HYDIN: variants seen among roughly 807,000 people sequenced by gnomAD.
HYDIN encodes HYDIN axonemal central pair apparatus protein.
Under a neutral mutation model 403.9 loss-of-function variants are expected in HYDIN, and 132 were observed. The ratio of observed to expected loss-of-function variants is 0.33; its 90% CI spans 0.28 to 0.38. The LOEUF (loss-of-function observed/expected upper bound fraction) is 0.38. Among genes scored for constraint, HYDIN ranks in the 10% least tolerant of loss-of-function variants. HYDIN has a pLI of 1.00. For missense variants in HYDIN, 2,827 were observed against 5,009.5 expected (o/e 0.56, Z 13.15); for synonymous variants, 1,202 against 1,891.7 (o/e 0.64, Z 9.46).
intron 1 of HYDIN, among the ~76,000 whole-genome samples, chr16:71,229,214 G>C (rs1056425361): frequency 6.6e-6 from 1 of 151,890 alleles, no homozygotes. Context: ...TAAATGACTA[G>C]TTAATGGGTG....
At chr16:70,881,150 C>T (rs1404953294) in intron 60 of HYDIN, among the ~76,000 whole-genome samples, 1 of 133,508 alleles carries the variant, frequency 7.5e-6, no homozygotes, top group Non-Finnish European at 1.5e-5. Flanking sequence ...CACTTGAGCC[C>T]AGGAAGTCAA....
intron 45 of HYDIN, among the ~76,000 whole-genome samples, chr16:70,930,309 C>T (rs1477798957): frequency 3.9e-5 from 6 of 152,184 alleles, no homozygotes; most frequent in Non-Finnish European, 7.3e-5. Flanking sequence ...GGCGAAACCC[C>T]GTCTCTACTA....
chr16:70,956,718 A>G (rs2078250465), intron 39 of HYDIN, among the ~76,000 whole-genome samples: 1 of 152,172 alleles, frequency 6.6e-6, no homozygotes, highest in Non-Finnish European at 1.5e-5. Flanking sequence ...AGACAAGGAA[A>G]CGGATTGTCC....
intron 13 of HYDIN, chr16:71,076,001 C>T (rs2036978): frequency 2.4e-6 from 1 of 413,490 alleles, no homozygotes; most frequent in Admixed American, 2.6e-5. Context: ...GGAGAAGGAC[C>T]CAGGCATTAC....
intron 9 of HYDIN, among the ~76,000 whole-genome samples, chr16:71,122,941 T>C (rs1042532885): frequency 3.6e-5 from 3 of 83,664 alleles, no homozygotes; most frequent in Non-Finnish European, 6.9e-5. Context: ...GTAAATACCT[T>C]TAAATTCTCA....
intron 10 of HYDIN, 81 bp downstream of exon 10, chr16:71,115,615 A>G (rs540519031): frequency 3.2e-6 from 2 of 632,076 alleles, no homozygotes; most frequent in East Asian, 2.8e-5. Flanking sequence ...GCACATGTGC[A>G]CACACACACA....
intron 5 of HYDIN, among the ~76,000 whole-genome samples, chr16:71,167,151 G>C (rs965551469): frequency 1.3e-5 from 2 of 151,934 alleles, no homozygotes; most frequent in African/African-American, 4.8e-5. Flanking sequence ...CTCTGCAAAT[G>C]ATTCTGGTTT....
chr16:70,904,138 G>A lies in HYDIN; in HGVS notation c.8517-74C>T. The A allele has an allele frequency of 4.6e-6, 4 of 865,094 alleles. No individual in the cohort carries two copies. In the South Asian group the frequency reaches 5.2e-5, roughly 11 times the overall value. The allele number at this position is 865,094 out of a possible 1,614,324, so 53.6% of individuals were successfully genotyped here. ...TGCAGGTGGAAAAGAAGGCTGTGAT[G>A]AGAAAGGCAATTCAGAGGGACAGTG... On this transcript the variant is annotated intron_variant, in intron 50 of 85. Coordinates refer to ENST00000393567, the MANE Select transcript of HYDIN (RefSeq NM_001270974.2).
intron 18 of HYDIN, among the ~76,000 whole-genome samples, chr16:71,043,376 T>C (rs112050676): frequency 0.027 from 4,093 of 150,158 alleles, 175 homozygotes; most frequent in African/African-American, 0.094. Context: ...GGGTAACTTT[T>C]TCATCTGCAT....
At chr16:70,993,829 C>CAT (rs1567963892) in intron 23 of HYDIN, among the ~76,000 whole-genome samples, 2 of 151,152 alleles carry the variant, frequency 1.3e-5, no homozygotes, top group African/African-American at 4.9e-5. Context: ...GCATTCTCAT[C>CAT]CACACTTGGT....
intron 1 of HYDIN, among the ~76,000 whole-genome samples, chr16:71,213,666 A>G (rs2088714201): frequency 6.6e-6 from 1 of 152,166 alleles, no homozygotes; most frequent in Non-Finnish European, 1.5e-5. Context: ...GTAGTTCAAC[A>G]TTCAACAAAA....
intron 45 of HYDIN, among the ~76,000 whole-genome samples, chr16:70,923,748 G>C (rs1321378093): frequency 6.7e-6 from 1 of 149,408 alleles, no homozygotes; most frequent in Non-Finnish European, 1.5e-5. Context: ...ATGAACCAGG[G>C]AGGCAGAGCT....
intron 58 of HYDIN, among the ~76,000 whole-genome samples, chr16:70,885,082 C>T (rs1489276982): frequency 6.6e-6 from 1 of 151,762 alleles, no homozygotes; most frequent in African/African-American, 2.4e-5. Context: ...TTGGTTCTTG[C>T]TACCTATCCG....
intron 1 of HYDIN, among the ~76,000 whole-genome samples, chr16:71,216,752 T>C (rs1049624700): frequency 2.0e-5 from 3 of 152,252 alleles, no homozygotes; most frequent in Admixed American, 1.3e-4. Flanking sequence ...TAGCATCAAC[T>C]GAGGATCACC....
chr16:71,225,900 T>C (rs1270246224), intron 1 of HYDIN, among the ~76,000 whole-genome samples: 3 of 152,132 alleles, frequency 2.0e-5, no homozygotes, highest in East Asian at 1.9e-4. Context: ...TAAAACATCA[T>C]TGAGAGAAAT....
intron 23 of HYDIN, among the ~76,000 whole-genome samples, chr16:71,006,572 G>A (rs193081130): frequency 1.3e-5 from 2 of 152,142 alleles, no homozygotes; most frequent in Admixed American, 6.5e-5. Context: ...ATCACAGGCA[G>A]TTGGGGTATG....
chr16:71,058,533 T>C (rs1431988316), intron 18 of HYDIN, among the ~76,000 whole-genome samples: 3 of 134,106 alleles, frequency 2.2e-5, no homozygotes, highest in Non-Finnish European at 3.2e-5. Flanking sequence ...GCATGGCACA[T>C]GTATACATAT....
chr16:70,920,680 C>A lies in HYDIN; in HGVS notation c.7696G>T (p.Val2566Leu), dbSNP rs369438771. 9 of 1,612,870 alleles carry A rather than the reference C, an allele frequency of 5.6e-6. No individual in the cohort carries two copies. The highest frequency in any genetic ancestry group is 7.6e-6 in the Non-Finnish European group (9 of 1,179,478). ...GGTGTCTGGATGTCTAGGAAGGGTA[C>A]GCCCAGGTCCTTCTCCTTCTTCCCT... Reference protein sequence around the residue: ...HEGKKEKDLGVPFLDIQTPDF... With the variant: ...HEGKKEKDLGLPFLDIQTPDF... The change falls in exon 46 of 86, where the codon GTA becomes TTA. Residue 2566 changes from valine (V) to leucine (L), a missense_variant. Transcript: ENST00000393567.
chr16:71,210,004 GTAATTAA>G (rs1304059336), intron 1 of HYDIN, among the ~76,000 whole-genome samples: 6 of 152,140 alleles, frequency 3.9e-5, no homozygotes, highest in Admixed American at 3.9e-4. Flanking sequence ...CATACTAGCG[GTAATTAA>G]TACATTCTTC....
Sources: gnomAD v4.1 joint callset for allele counts (sites outside exome capture counted in the v4.1 genomes callset) on GRCh38, gnomAD v4.1.1 for gene constraint, MANE v1.5 for transcripts, NCBI Gene and HGNC (gene_info 2026-07-23, HGNC 2026-07-21) for gene names.